The following PDGFD variants were observed in gnomAD, a reference collection of about 807,000 sequenced individuals.
PDGFD encodes the protein platelet-derived growth factor D.
PDGFD carries 30 observed loss-of-function variants against 44.7 expected under a neutral mutation model. The ratio of observed to expected loss-of-function variants is 0.67; its 90% CI spans 0.50 to 0.91. The LOEUF (loss-of-function observed/expected upper bound fraction) is 0.91, where lower values mean the gene tolerates loss of function less well. Among genes scored for constraint, PDGFD ranks in the 40% least tolerant of loss-of-function variants. PDGFD has a pLI of 0.00. For missense variants in PDGFD, 445 were observed against 457.8 expected, an observed-to-expected ratio of 0.97 and a Z score of 0.25; for synonymous variants, 173 against 168.4, an observed-to-expected ratio of 1.03 and a Z score of -0.21.
At chr11:104,061,608 T>G (rs1460785054) in intron 1 of PDGFD, among the ~76,000 whole-genome samples, 3 of 152,182 alleles carry the variant, frequency 2.0e-5, no homozygotes, top group African/African-American at 4.8e-5. Context: ...CTTTCTGTTT[T>G]TTGTTTGTTT....
intron 3 of PDGFD, among the ~76,000 whole-genome samples, chr11:103,987,702 G>A (rs773778284): frequency 6.6e-6 from 1 of 152,088 alleles, no homozygotes; most frequent in Non-Finnish European, 1.5e-5. Flanking sequence ...TTGCCTAGTA[G>A]CTAAAATAAA....
chr11:103,920,958 A>G (rs1314358004), intron 6 of PDGFD, among the ~76,000 whole-genome samples: 2 of 152,186 alleles, frequency 1.3e-5, no homozygotes, highest in African/African-American at 4.8e-5. Context: ...AATATGATGT[A>G]ATTTCAGGTT....
At chr11:104,081,742 T>C (rs1213047307) in intron 1 of PDGFD, among the ~76,000 whole-genome samples, 2 of 152,152 alleles carry the variant, frequency 1.3e-5, no homozygotes, top group Non-Finnish European at 2.9e-5. Context: ...TGACATGATA[T>C]CCAGTATTTT....
At chr11:104,137,838 A>G (rs1862033495) in intron 1 of PDGFD, among the ~76,000 whole-genome samples, 1 of 143,120 alleles carries the variant, frequency 7.0e-6, no homozygotes, top group South Asian at 2.3e-4. Flanking sequence ...CAACAGGCCC[A>G]CTTAATACCC....
intron 1 of PDGFD, among the ~76,000 whole-genome samples, chr11:104,080,284 A>C (rs1861027011): frequency 6.6e-6 from 1 of 152,226 alleles, no homozygotes; most frequent in Non-Finnish European, 1.5e-5. Flanking sequence ...ATAATATGTT[A>C]TAATATATGT....
chr11:103,980,211 G>C (rs1859247852), intron 3 of PDGFD, among the ~76,000 whole-genome samples: 1 of 151,904 alleles, frequency 6.6e-6, no homozygotes, highest in Admixed American at 6.6e-5. Flanking sequence ...CAGGAAAAAA[G>C]AAAATGCCAG....
intron 1 of PDGFD, among the ~76,000 whole-genome samples, chr11:104,024,631 C>T (rs1228020753): frequency 6.6e-6 from 1 of 152,174 alleles, no homozygotes; most frequent in Non-Finnish European, 1.5e-5. Context: ...AAGCCAAGGG[C>T]TATACCATAC....
chr11:103,932,748 T>C (rs1331693334), intron 5 of PDGFD, among the ~76,000 whole-genome samples: 2 of 152,230 alleles, frequency 1.3e-5, no homozygotes, highest in African/African-American at 2.4e-5. Flanking sequence ...CAATAATTAC[T>C]ACCTGAATGA....
chr11:104,055,019 T>C (rs2134409249), intron 1 of PDGFD, among the ~76,000 whole-genome samples: 1 of 152,324 alleles, frequency 6.6e-6, no homozygotes, highest in Non-Finnish European at 1.5e-5. Context: ...CAGAAGTTTA[T>C]TTATTTTAAT....
chr11:103,976,326 CTTTG>C lies in PDGFD; in HGVS notation c.510+19735_510+19738del, dbSNP rs1295201306. Among the ~76,000 whole-genome samples the C allele has an allele frequency of 8.5e-5, 13 of 152,052 alleles. No homozygotes were observed. In the South Asian group the frequency reaches 1.0e-3, roughly 12 times the overall value. The stretch of plus-strand genomic sequence containing the variant: ...ATGGGAGTTCACTCATGATTTGGCT[CTTTG>C]TTTATTATTGGTGTATAGGAATGTT... On this transcript the variant is annotated intron_variant, in intron 3 of 6. Transcript: ENST00000393158.
In PDGFD at chr11:104,039,564, T is replaced by C. The variant is rs75827407; in HGVS notation, c.125-39309A>G. Among the ~76,000 whole-genome samples, 1,328 of 152,268 alleles carry C rather than the reference T, an allele frequency of 8.7e-3. 19 individuals are homozygous for C. Among genetic ancestry groups the C allele is most frequent in the African/African-American group, 0.03 (1,246 of 41,564 alleles). The stretch of plus-strand genomic sequence containing the variant: ...CTCTATAGGTGTTCCCATGCTCACA[T>C]TTCCCAGTCTGGTCTACATTTGCAC... On this transcript the variant is annotated intron_variant, in intron 1 of 6. Coordinates refer to ENST00000393158, the MANE Select transcript of PDGFD (RefSeq NM_025208.5).
At chr11:103,990,330 T>C (rs1364137215) in intron 3 of PDGFD, among the ~76,000 whole-genome samples, 3 of 152,226 alleles carry the variant, frequency 2.0e-5, no homozygotes, top group South Asian at 2.1e-4. Flanking sequence ...CTTTGCGTCA[T>C]TGCTTCCTAA....
intron 5 of PDGFD, 90 bp downstream of exon 5, chr11:103,943,362 G>A: frequency 1.6e-6 from 2 of 1,258,760 alleles, no homozygotes; most frequent in South Asian, 2.9e-5. Context: ...AAAGACTTCT[G>A]GTTTCAAATA....
At chr11:104,008,334 G>A (rs1022697599) in intron 1 of PDGFD, among the ~76,000 whole-genome samples, 2 of 152,052 alleles carry the variant, frequency 1.3e-5, no homozygotes, top group South Asian at 4.1e-4. Context: ...AATCTTCAAT[G>A]GGTAAGTGGT....
intron 1 of PDGFD, among the ~76,000 whole-genome samples, chr11:104,153,866 C>T (rs1862274081): frequency 6.6e-6 from 1 of 151,912 alleles, no homozygotes; most frequent in East Asian, 1.9e-4. Context: ...AGATAAAGAT[C>T]GATCCTCCAG....
chr11:103,950,835 T>C (rs941714925), intron 3 of PDGFD, among the ~76,000 whole-genome samples: 1 of 152,162 alleles, frequency 6.6e-6, no homozygotes. Flanking sequence ...TGGTGGGTGG[T>C]TCTATGAGGA....
intron 1 of PDGFD, among the ~76,000 whole-genome samples, chr11:104,080,103 G>T (rs972960344): frequency 6.6e-6 from 1 of 152,100 alleles, no homozygotes; most frequent in African/African-American, 2.4e-5. Flanking sequence ...GTGAAAAGAG[G>T]ATTGGTACAG....
chr11:104,007,280 G>A (rs567749427), intron 1 of PDGFD, among the ~76,000 whole-genome samples: 88 of 152,212 alleles, frequency 5.8e-4, no homozygotes, highest in Non-Finnish European at 1.1e-3. Context: ...ACACACCTTG[G>A]TGTCTTTGAC....
intron 3 of PDGFD, among the ~76,000 whole-genome samples, chr11:103,977,345 G>C (rs1373989965): frequency 1.3e-5 from 2 of 152,052 alleles, no homozygotes; most frequent in Non-Finnish European, 2.9e-5. Flanking sequence ...CATTTTATGA[G>C]ACCAGCATCA....
Sources: gnomAD v4.1 joint callset for allele counts (sites outside exome capture counted in the v4.1 genomes callset) on GRCh38, gnomAD v4.1.1 for gene constraint, MANE v1.5 for transcripts, NCBI Gene and HGNC (gene_info 2026-07-23, HGNC 2026-07-21) for gene names.